FAT4: variants seen among roughly 807,000 people sequenced by gnomAD.
The protein encoded by FAT4 is protocadherin Fat 4.
FAT4 carries 84 observed loss-of-function variants against 303.9 expected under a neutral mutation model. That is an observed-to-expected ratio of 0.28 (90% confidence interval 0.23 to 0.33). FAT4 has a LOEUF of 0.33. FAT4 is among the 10% of genes least tolerant of loss of function. The pLI is 1.00. For synonymous variants in FAT4, 2,307 were observed against 2,298.8 expected, an observed-to-expected ratio of 1.00 and a Z score of -0.10; for missense variants, 6,005 against 6,146.8, an observed-to-expected ratio of 0.98 and a Z score of 0.77.
rs1000748143 is a variant in FAT4 at position 125,492,150 on chromosome 4, T to C, written c.*382T>C. On this transcript the variant is annotated 3_prime_UTR_variant, in exon 18 of 18. Transcript: ENST00000394329. The stretch of plus-strand genomic sequence containing the variant: ...TGTTTCAACTGTATTATTATAATTA[T>C]ATTTTGCATTGCAAGATTCTTGATG... The C allele has an allele frequency of 5.8e-6, 1 of 171,742 alleles. No homozygotes were observed. The highest frequency in any genetic ancestry group is 2.4e-5 in the African/African-American group (1 of 41,802). 10.6% of individuals were successfully genotyped at this position (171,742 alleles called of 1,614,324 possible).
intron 12 of FAT4, among the ~76,000 whole-genome samples, chr4:125,470,466 A>C (rs900289046): frequency 2.0e-5 from 3 of 152,184 alleles, no homozygotes; most frequent in Non-Finnish European, 4.4e-5. Flanking sequence ...TTACATTGAA[A>C]GTCTGTTCTT....
intron 2 of FAT4, among the ~76,000 whole-genome samples, chr4:125,327,815 A>G (rs1453305247): frequency 1.3e-5 from 2 of 152,058 alleles, no homozygotes; most frequent in Admixed American, 6.6e-5. Flanking sequence ...AAAAATAGTT[A>G]TTTACTTAGA....
intron 2 of FAT4, among the ~76,000 whole-genome samples, chr4:125,360,296 A>C (rs993559637): frequency 5.3e-5 from 8 of 152,212 alleles, no homozygotes; most frequent in Non-Finnish European, 1.2e-4. Context: ...CCACTTTCCC[A>C]ATTTACTGAC....
At chr4:125,485,288 A>T (rs980438303) in intron 16 of FAT4, among the ~76,000 whole-genome samples, 2 of 152,106 alleles carry the variant, frequency 1.3e-5, no homozygotes, top group African/African-American at 2.4e-5. Context: ...TAAACTTAAA[A>T]TTTTTAACTT....
At position 125,490,794 on chromosome 4, in the gene FAT4, G is replaced by A. The variant is rs746280613; in HGVS notation, c.13978G>A (p.Gly4660Ser). Reference sequence around the variant, plus strand: ...TTCAATCCAGAGGCACAGTCCCCTAGGCTTTGCAAGGCAATCCCCCATGCC... The same window carrying A: ...TTCAATCCAGAGGCACAGTCCCCTAAGCTTTGCAAGGCAATCCCCCATGCC... ...KFSIQRHSPLGFARQSPMPLG... is the reference protein window; with the variant it reads ...KFSIQRHSPLSFARQSPMPLG... Residue 4660 changes from glycine to serine, a missense_variant, in exon 18 of 18, where the codon GGC becomes AGC. Coordinates refer to ENST00000394329, the MANE Select transcript of FAT4 (RefSeq NM_001291303.3). The A allele has an allele frequency of 6.2e-7, 1 of 1,614,070 alleles. No homozygotes were observed. Among genetic ancestry groups the A allele is most frequent in the Non-Finnish European group, 8.5e-7 (1 of 1,180,024 alleles).
chr4:125,479,031 C>T (rs369958566), intron 14 of FAT4, among the ~76,000 whole-genome samples: 7 of 152,070 alleles, frequency 4.6e-5, no homozygotes, highest in East Asian at 3.9e-4. Flanking sequence ...TGTTGGGCCT[C>T]GGTGTTTCTC....
At chr4:125,322,050 T>C (rs1383991785) in intron 2 of FAT4, among the ~76,000 whole-genome samples, 1 of 152,180 alleles carries the variant, frequency 6.6e-6, no homozygotes, top group African/African-American at 2.4e-5. Flanking sequence ...GGGCTGACAG[T>C]GTACACCAGG....
chr4:125,369,630 A>T (rs1489462937), intron 2 of FAT4, among the ~76,000 whole-genome samples: 2 of 152,152 alleles, frequency 1.3e-5, no homozygotes, highest in East Asian at 3.8e-4. Flanking sequence ...CATAACATAT[A>T]ATTTGCCATT....
chr4:125,325,781 T>A (rs1731127947), intron 2 of FAT4, among the ~76,000 whole-genome samples: 1 of 152,240 alleles, frequency 6.6e-6, no homozygotes, highest in Admixed American at 6.5e-5. Context: ...TTTGTTTTAC[T>A]GTGAGTATGT....
In FAT4 at chr4:125,408,811, A is replaced by G. The variant is rs761192106; in HGVS notation, c.5920+17A>G. On this transcript the variant is annotated intron_variant, in intron 5 of 17. Transcript: ENST00000394329. ...CAGATGATGGTATGTATTTTATTTA[A>G]TATAATTTTTAAAACATCTATAAAC... 1 of 1,268,132 alleles carries G rather than the reference A, an allele frequency of 7.9e-7. No individual in the cohort carries two copies. The highest frequency in any genetic ancestry group is 1.8e-5 in the South Asian group (1 of 55,044). The allele number at this position is 1,268,132 out of a possible 1,614,324, so 78.6% of individuals were successfully genotyped here. A position where few individuals can be genotyped will look rare whatever the true frequency, so the allele number is the denominator to read the frequency against.
chr4:125,377,982 G>T (rs954320880), intron 2 of FAT4, among the ~76,000 whole-genome samples: 1 of 151,954 alleles, frequency 6.6e-6, no homozygotes, highest in African/African-American at 2.4e-5. Flanking sequence ...ACTATTGCAC[G>T]TATGCCCAGG....
chr4:125,446,686 T>A, intron 9 of FAT4, 143 bp downstream of exon 9: 1 of 783,646 alleles, frequency 1.3e-6, no homozygotes. Flanking sequence ...TTGTTTTGTC[T>A]GATGGAAATG....
intron 16 of FAT4, 62 bp downstream of exon 16, chr4:125,481,800 T>G: frequency 7.2e-7 from 1 of 1,390,392 alleles, no homozygotes; most frequent in South Asian, 1.2e-5. Flanking sequence ...GTGGTTTAAA[T>G]CACTTCCCCC....
At chr4:125,395,788 T>G (rs1259013252) in intron 2 of FAT4, among the ~76,000 whole-genome samples, 2 of 152,130 alleles carry the variant, frequency 1.3e-5, no homozygotes, top group African/African-American at 2.4e-5. Flanking sequence ...TCTATATAGA[T>G]TCATTCAAAA....
chr4:125,386,353 C>T (rs919670196), intron 2 of FAT4, among the ~76,000 whole-genome samples: 2 of 152,174 alleles, frequency 1.3e-5, no homozygotes, highest in Non-Finnish European at 2.9e-5. Flanking sequence ...TCTCGGCTTA[C>T]TGCAACCTCC....
In FAT4 at chr4:125,481,737, A is replaced by G. The variant is rs1275710060; in HGVS notation, c.12821A>G (p.Lys4274Arg). The G allele has an allele frequency of 1.2e-6, 2 of 1,613,674 alleles. No homozygotes were observed. Among genetic ancestry groups the G allele is most frequent in the Non-Finnish European group, 1.7e-6 (2 of 1,179,596 alleles). ...IQESSNYTTV[K>R]IKNGKVYFTS... ...GAAAGCAGCAATTACACTACTGTGA[A>G]GGTGAGATAAAAGCTAATGGTGACT... The change falls in exon 16 of 18, where the codon AAG becomes AGG. Residue 4274 changes from lysine to arginine, a missense_variant and splice_region_variant. By Grantham distance (26) the Lys-to-Arg change is conservative. Coordinates refer to ENST00000394329, the MANE Select transcript of FAT4 (RefSeq NM_001291303.3).
intron 2 of FAT4, among the ~76,000 whole-genome samples, chr4:125,333,686 C>T (rs1339265159): frequency 1.3e-5 from 2 of 152,134 alleles, no homozygotes; most frequent in African/African-American, 4.8e-5. Flanking sequence ...AGCTATGCTG[C>T]AGTGATTAAA....
At chr4:125,362,684 C>T (rs1732719393) in intron 2 of FAT4, 2 of 152,004 alleles carry the variant, frequency 1.3e-5, no homozygotes, top group African/African-American at 2.4e-5. Context: ...ATGTATTGCA[C>T]TATATATTCT....
intron 3 of FAT4, among the ~76,000 whole-genome samples, chr4:125,400,721 A>G (rs1460405254): frequency 3.3e-5 from 5 of 151,754 alleles, no homozygotes; most frequent in Admixed American, 1.3e-4. Flanking sequence ...AAGTTTAAAA[A>G]AAAATGTAAG....
Sources: gnomAD v4.1 joint callset for allele counts (sites outside exome capture counted in the v4.1 genomes callset) on GRCh38, gnomAD v4.1.1 for gene constraint, MANE v1.5 for transcripts, NCBI Gene and HGNC (gene_info 2026-07-23, HGNC 2026-07-21) for gene names.